The following PPARGC1A variants were observed in gnomAD, a reference collection of about 807,000 sequenced individuals.
PPARGC1A encodes PPARG coactivator 1 alpha, also known as peroxisome proliferator-activated receptor gamma coactivator 1-alpha.
Under a neutral mutation model 88.7 loss-of-function variants are expected in PPARGC1A, and 25 were observed. The ratio of observed to expected loss-of-function variants is 0.28; its 90% CI spans 0.21 to 0.39. The LOEUF is 0.39. PPARGC1A is among the 10% of genes least tolerant of loss of function. PPARGC1A has a pLI of 1.00. For missense variants in PPARGC1A, 880 were observed against 968.7 expected, an observed-to-expected ratio of 0.91 and a Z score of 1.22; for synonymous variants, 363 against 355.6, an observed-to-expected ratio of 1.02 and a Z score of -0.24.
At chr4:24,094,572 TCTCAGAATCCAAA>T in the PPARGC1A span, among the ~76,000 whole-genome samples, 1 of 152,238 alleles carries the variant, frequency 6.6e-6, no homozygotes, top group Admixed American at 6.5e-5. Context: ...TGTGCCTTCA[TCTCAGAATCCAAA>T]CTCAGAATAG....
chr4:24,098,640 A>T, the PPARGC1A span, among the ~76,000 whole-genome samples: 1 of 152,230 alleles, frequency 6.6e-6, no homozygotes, highest in Admixed American at 6.5e-5. Context: ...CTGTCACTAC[A>T]AACATTATAT....
chr4:24,049,269 TATATATACAC>T, the PPARGC1A span, among the ~76,000 whole-genome samples: 1 of 143,266 alleles, frequency 7.0e-6, no homozygotes, highest in Admixed American at 7.1e-5. Context: ...TATAAATACA[TATATATACAC>T]ATATATATGT....
chr4:23,965,520 T>C, the PPARGC1A span, among the ~76,000 whole-genome samples: 1 of 152,216 alleles, frequency 6.6e-6, no homozygotes, highest in East Asian at 1.9e-4. Context: ...AGAGGTACAA[T>C]ACAGACTTTC....
chr4:23,795,753 C>A lies in PPARGC1A; in HGVS notation c.*69G>T. ...ATTCCTAAGTATGACTTGCAATAGT[C>A]TTTAGGGAAGGACGCGCTGTCCCAT... On this transcript the variant is annotated 3_prime_UTR_variant, in exon 13 of 13. Transcript: ENST00000264867. The A allele has an allele frequency of 8.0e-7, 1 of 1,254,006 alleles. No homozygotes were observed. Among genetic ancestry groups the A allele is most frequent in the Non-Finnish European group, 1.1e-6 (1 of 892,756 alleles). The allele number at this position is 1,254,006 out of a possible 1,614,324, so 77.7% of individuals were successfully genotyped here.
intron 2 of PPARGC1A, among the ~76,000 whole-genome samples, chr4:23,833,281 G>C (rs1176180463): frequency 6.6e-6 from 1 of 152,232 alleles, no homozygotes; most frequent in Non-Finnish European, 1.5e-5. Context: ...ACATGGCATA[G>C]CTAATCAATG....
the PPARGC1A span, among the ~76,000 whole-genome samples, chr4:24,100,453 A>T: frequency 6.6e-6 from 1 of 152,140 alleles, no homozygotes; most frequent in Non-Finnish European, 1.5e-5. Flanking sequence ...AGTAGGTGCA[A>T]ATGGCAGGAC....
In PPARGC1A at chr4:23,861,056, C is replaced by T. The variant is rs548253029; in HGVS notation, c.234+23696G>A. ...ATTTGCTACCCAAACCAGAACACTA[C>T]GACCTCTAAGTACAACATATTTCAA... is the stretch of plus-strand genomic sequence containing the variant. On this transcript the variant is annotated intron_variant, in intron 2 of 12. Coordinates refer to ENST00000264867, the MANE Select transcript of PPARGC1A (RefSeq NM_013261.5). 4.6e-5 allele frequency among the ~76,000 whole-genome samples: 7 copies of T among 152,300 alleles called. No individual in the cohort carries two copies. In the South Asian group the frequency reaches 1.2e-3, roughly 27 times the overall value.
the PPARGC1A span, among the ~76,000 whole-genome samples, chr4:24,059,116 G>A: frequency 6.6e-6 from 1 of 152,104 alleles, no homozygotes; most frequent in East Asian, 1.9e-4. Flanking sequence ...TTTCGACCAA[G>A]CCCCACCACT....
chr4:23,854,918 C>A (rs1729917074), intron 2 of PPARGC1A, among the ~76,000 whole-genome samples: 1 of 152,160 alleles, frequency 6.6e-6, no homozygotes, highest in Non-Finnish European at 1.5e-5. Context: ...GATATCCTCA[C>A]CCACTGATAT....
the PPARGC1A span, among the ~76,000 whole-genome samples, chr4:24,377,525 G>A: frequency 5.2e-4 from 79 of 152,138 alleles, 1 homozygote; most frequent in Admixed American, 1.6e-3. Context: ...CCTGATTCTC[G>A]GTTCCTGTTT....
the PPARGC1A span, among the ~76,000 whole-genome samples, chr4:23,959,247 A>C: frequency 1.3e-5 from 2 of 152,234 alleles, no homozygotes; most frequent in Middle Eastern, 6.8e-3. Context: ...GCTGACAGAG[A>C]GCTAAGCAGG....
chr4:24,082,015 T>C, the PPARGC1A span, among the ~76,000 whole-genome samples: 1 of 152,154 alleles, frequency 6.6e-6, no homozygotes, highest in Non-Finnish European at 1.5e-5. Context: ...ATACACTTGA[T>C]ATGTGTAAGG....
At chr4:24,324,891 C>T in the PPARGC1A span, among the ~76,000 whole-genome samples, 1 of 152,060 alleles carries the variant, frequency 6.6e-6, no homozygotes, top group African/African-American at 2.4e-5. Context: ...TGACCTCTCC[C>T]CTCCTCGCCA....
At chr4:24,314,781 T>C in the PPARGC1A span, among the ~76,000 whole-genome samples, 1 of 152,048 alleles carries the variant, frequency 6.6e-6, no homozygotes, top group Non-Finnish European at 1.5e-5. Context: ...CTTTATTAAG[T>C]TGATTATTGT....
the PPARGC1A span, among the ~76,000 whole-genome samples, chr4:24,396,911 C>G: frequency 6.6e-6 from 1 of 152,154 alleles, no homozygotes; most frequent in African/African-American, 2.4e-5. Flanking sequence ...TTTCATCACT[C>G]TCCAGTTACA....
At chr4:24,459,256 T>C in the PPARGC1A span, among the ~76,000 whole-genome samples, 1 of 152,166 alleles carries the variant, frequency 6.6e-6, no homozygotes, top group South Asian at 2.1e-4. Flanking sequence ...GGGGAGGGTC[T>C]TAAAGGAAAT....
the PPARGC1A span, among the ~76,000 whole-genome samples, chr4:24,051,068 G>A: frequency 6.6e-6 from 1 of 151,288 alleles, no homozygotes; most frequent in Non-Finnish European, 1.5e-5. Context: ...GGTGCCTATA[G>A]TCCCAGCTAC....
At chr4:24,310,274 T>C in the PPARGC1A span, among the ~76,000 whole-genome samples, 2 of 152,304 alleles carry the variant, frequency 1.3e-5, no homozygotes, top group South Asian at 2.1e-4. Flanking sequence ...GTTTCTCACC[T>C]AGGATCAACT....
Position 23,867,338 on chromosome 4 carries a change from G to A in PPARGC1A, c.234+17414C>T, listed in dbSNP as rs576638483. On this transcript the variant is annotated intron_variant, in intron 2 of 12. Transcript: ENST00000264867. ...TACTTAATACATCTTTGTATTATGC[G>A]CACTTAAATTAGTGCCTAGCATGTA... Among the ~76,000 whole-genome samples the A allele has an allele frequency of 1.1e-4, 16 of 152,256 alleles. No homozygotes were observed. The East Asian group carries it at 1.5e-3, about 15-fold the overall frequency.
Sources: gnomAD v4.1 joint callset for allele counts (sites outside exome capture counted in the v4.1 genomes callset) on GRCh38, gnomAD v4.1.1 for gene constraint, MANE v1.5 for transcripts, NCBI Gene and HGNC (gene_info 2026-07-23, HGNC 2026-07-21) for gene names.